The following DACH1 variants were observed in gnomAD, a reference collection of about 807,000 sequenced individuals.
DACH1 encodes the protein dachshund family transcription factor 1.
DACH1 carries 12 observed loss-of-function variants against 54.2 expected under a neutral mutation model. The ratio of observed to expected loss-of-function variants is 0.22; its 90% CI spans 0.14 to 0.36. The LOEUF is 0.36. Among genes scored for constraint, DACH1 ranks in the 10% least tolerant of loss-of-function variants. The pLI, the probability that DACH1 is intolerant of heterozygous loss-of-function variation, is 1.00. For missense variants in DACH1, 805 were observed against 929.8 expected, an observed-to-expected ratio of 0.87 and a Z score of 1.75; for synonymous variants, 386 against 366.2, an observed-to-expected ratio of 1.05 and a Z score of -0.62.
At chr13:71,787,027 G>A (rs1468943685) in intron 1 of DACH1, among the ~76,000 whole-genome samples, 2 of 152,174 alleles carry the variant, frequency 1.3e-5, no homozygotes, top group Non-Finnish European at 2.9e-5. Flanking sequence ...CCACCAGGGA[G>A]AGAGAACTAA....
At chr13:71,822,905 C>G (rs927887899) in intron 1 of DACH1, among the ~76,000 whole-genome samples, 1 of 151,898 alleles carries the variant, frequency 6.6e-6, no homozygotes, top group African/African-American at 2.4e-5. Context: ...CTGAAAATAA[C>G]GTATTATTAG....
intron 3 of DACH1, among the ~76,000 whole-genome samples, chr13:71,617,474 G>A (rs187620336): frequency 2.0e-5 from 3 of 152,160 alleles, no homozygotes. Flanking sequence ...CCAGATTCCT[G>A]GAGGAATAAG....
At chr13:71,545,272 G>A (rs1351739490) in intron 6 of DACH1, among the ~76,000 whole-genome samples, 1 of 151,934 alleles carries the variant, frequency 6.6e-6, no homozygotes, top group African/African-American at 2.4e-5. Context: ...AGTGCTTCCA[G>A]TGATAGTCAT....
intron 7 of DACH1, among the ~76,000 whole-genome samples, chr13:71,480,573 A>C (rs947378158): frequency 6.6e-6 from 1 of 152,172 alleles, no homozygotes; most frequent in East Asian, 1.9e-4. Flanking sequence ...AGCAATACAA[A>C]ATGAGTTTTT....
rs191618518 is a variant in DACH1 at position 71,790,430 on chromosome 13, G to C, written c.848+75492C>G. Among the ~76,000 whole-genome samples, 5 of 152,230 alleles carry C rather than the reference G, an allele frequency of 3.3e-5. No individual in the cohort carries two copies. The East Asian group carries it at 9.6e-4, about 29-fold the overall frequency. On this transcript the variant is annotated intron_variant, in intron 1 of 10. Coordinates refer to ENST00000613252, the MANE Select transcript of DACH1 (RefSeq NM_080759.6). ...CTTAAGAAAAACGAGAAGTCAACATGACTCTTTTGATGACTTGACTTAGAG... is the reference window on the plus strand; with the variant it reads ...CTTAAGAAAAACGAGAAGTCAACATCACTCTTTTGATGACTTGACTTAGAG...
chr13:71,705,452 T>C (rs1417388770), intron 1 of DACH1, among the ~76,000 whole-genome samples: 1 of 152,206 alleles, frequency 6.6e-6, no homozygotes, highest in Non-Finnish European at 1.5e-5. Flanking sequence ...TATAAGTAGA[T>C]AAGGACTGCT....
chr13:71,528,104 A>T (rs146217093), intron 6 of DACH1, among the ~76,000 whole-genome samples: 2 of 152,290 alleles, frequency 1.3e-5, no homozygotes, highest in African/African-American at 4.8e-5. Context: ...ATAATCCAAC[A>T]TTTTCAATTA....
intron 1 of DACH1, among the ~76,000 whole-genome samples, chr13:71,836,789 C>T (rs1261227922): frequency 6.6e-6 from 1 of 151,970 alleles, no homozygotes; most frequent in Non-Finnish European, 1.5e-5. Context: ...ATACCCCAAG[C>T]TCTCTCACTC....
At chr13:71,785,856 A>ATT (rs1436760373) in intron 1 of DACH1, among the ~76,000 whole-genome samples, 1 of 151,992 alleles carries the variant, frequency 6.6e-6, no homozygotes, top group Non-Finnish European at 1.5e-5. Flanking sequence ...TCTTCTACCT[A>ATT]TTTTTGCACT....
intron 6 of DACH1, among the ~76,000 whole-genome samples, chr13:71,531,175 T>TC (rs1227414593): frequency 6.6e-6 from 1 of 152,156 alleles, no homozygotes; most frequent in Admixed American, 6.6e-5. Flanking sequence ...AGGAGAGTAT[T>TC]CCTCTAACTT....
chr13:71,605,226 C>A (rs1874786403), intron 3 of DACH1, among the ~76,000 whole-genome samples: 2 of 151,808 alleles, frequency 1.3e-5, no homozygotes, highest in South Asian at 2.1e-4. Context: ...ATATTTAGTT[C>A]ACTGAATCAA....
At chr13:71,640,033 G>A (rs750282172) in intron 2 of DACH1, among the ~76,000 whole-genome samples, 2 of 151,780 alleles carry the variant, frequency 1.3e-5, no homozygotes, top group Non-Finnish European at 2.9e-5. Context: ...TAAATTTAGG[G>A]GCAATGAGGT....
intron 1 of DACH1, among the ~76,000 whole-genome samples, chr13:71,829,147 T>C (rs931683816): frequency 6.6e-6 from 1 of 151,966 alleles, no homozygotes; most frequent in Non-Finnish European, 1.5e-5. Context: ...GAAGTTTTAA[T>C]AGTTTGTGGT....
intron 3 of DACH1, among the ~76,000 whole-genome samples, chr13:71,614,992 C>T (rs551739283): frequency 1.3e-5 from 2 of 150,938 alleles, no homozygotes; most frequent in African/African-American, 4.9e-5. Context: ...GTATCTGTTT[C>T]TAACTAAAAT....
rs1884845608 is a variant in DACH1, at chr13:71,565,497, T to G, written c.1300-5542A>C. Among the ~76,000 whole-genome samples, 9 of 152,066 alleles carry G rather than the reference T, an allele frequency of 5.9e-5. No homozygotes were observed. The South Asian group carries it at 1.9e-3, about 31-fold the overall frequency. ...AGAGTGGTGTTCAAATTCCTTTGCT[T>G]TGGAAAAATGTGCAAAGAAGACAAA... On this transcript the variant is annotated intron_variant, in intron 4 of 10. Transcript: ENST00000613252.
chr13:71,462,977 AAGT>A (rs1876230973), intron 10 of DACH1, among the ~76,000 whole-genome samples: 1 of 151,798 alleles, frequency 6.6e-6, no homozygotes, highest in Non-Finnish European at 1.5e-5. Context: ...TCAGTGAACA[AAGT>A]AGATGTCTTT....
chr13:71,764,937 C>G (rs370924763), intron 1 of DACH1, among the ~76,000 whole-genome samples: 2 of 151,602 alleles, frequency 1.3e-5, no homozygotes, highest in South Asian at 4.2e-4. Flanking sequence ...TTTTCAAAGC[C>G]TCCTCTCCAC....
At chr13:71,629,292 G>A (rs1229359392) in intron 3 of DACH1, among the ~76,000 whole-genome samples, 2 of 151,948 alleles carry the variant, frequency 1.3e-5, no homozygotes, top group Non-Finnish European at 2.9e-5. Flanking sequence ...CAGTTGTAGG[G>A]CCATCTCTTT....
At chr13:71,781,523 C>G (rs532968241) in intron 1 of DACH1, among the ~76,000 whole-genome samples, 212 of 151,976 alleles carry the variant, frequency 1.4e-3, no homozygotes, top group Non-Finnish European at 2.3e-3. Context: ...AGACTACAGG[C>G]ACCCGCCAAA....
Sources: gnomAD v4.1 joint callset for allele counts (sites outside exome capture counted in the v4.1 genomes callset) on GRCh38, gnomAD v4.1.1 for gene constraint, MANE v1.5 for transcripts, NCBI Gene and HGNC (gene_info 2026-07-23, HGNC 2026-07-21) for gene names.